Variants in CCND1 observed in about 807,000 individuals in gnomAD.
CCND1 encodes the protein cyclin D1.
A neutral mutation model predicts 26.1 loss-of-function variants in CCND1; 9 were observed. That is an observed-to-expected ratio of 0.35 (90% confidence interval 0.21 to 0.60). The LOEUF is 0.60. CCND1 is among the 20% of genes least tolerant of loss of function. The pLI is 0.79. For missense variants in CCND1, 335 were observed against 392.9 expected, an observed-to-expected ratio of 0.85 and a Z score of 1.25; for synonymous variants, 194 against 166.1, an observed-to-expected ratio of 1.17 and a Z score of -1.29.
rs2120120316 is a variant in CCND1 at position 69,651,195 on chromosome 11, C to T, written c.801C>T (p.Asp267=). The change falls in exon 5 of 5, where the codon GAC becomes GAT. Residue 267 remains aspartate (D), a synonymous_variant. Transcript: ENST00000227507. ...SSLRQAQQNM[D]PKAAEEEEEE... The stretch of plus-strand genomic sequence containing the variant: ...TGCGCCAGGCCCAGCAGAACATGGA[C>T]CCCAAGGCCGCCGAGGAGGAGGAAG... 6.2e-7 allele frequency: 1 copy of T among 1,609,048 alleles called. No homozygotes were observed.
In CCND1 at chr11:69,643,827, C is replaced by T. The variant is rs1240440953; in HGVS notation, c.415-5C>T. On this transcript the variant is annotated splice_region_variant and splice_polypyrimidine_tract_variant and intron_variant, in intron 2 of 4. Coordinates refer to ENST00000227507, the MANE Select transcript of CCND1 (RefSeq NM_053056.3). ...CCCTGATGGCCGCTCACCCTGTGTT[C>T]GCAGCAAATGGAGCTGCTCCTGGTG... 25 of 1,602,544 alleles carry T rather than the reference C, an allele frequency of 1.6e-5. No individual in the cohort carries two copies. The highest frequency in any genetic ancestry group is 2.0e-5 in the Non-Finnish European group (24 of 1,172,062).
intron 3 of CCND1, 162 bp from the exon 4 acceptor site, chr11:69,647,832 G>A (rs541020489): frequency 6.8e-6 from 5 of 735,646 alleles, no homozygotes; most frequent in Non-Finnish European, 1.1e-5. Flanking sequence ...CCCAGGGATG[G>A]CTGGAGGCTG....
chr11:69,650,823 T>C (rs568564216), intron 4 of CCND1, among the ~76,000 whole-genome samples: 9 of 152,146 alleles, frequency 5.9e-5, no homozygotes, highest in Admixed American at 2.0e-4. Flanking sequence ...GAAGGCGCTG[T>C]TGGACATGGG....
At position 69,644,137 on chromosome 11, in the gene CCND1, G is replaced by A. The variant is rs548186625; in HGVS notation, c.574+146G>A. The A allele has an allele frequency of 3.2e-3, 2,400 of 758,720 alleles. 66 individuals are homozygous for A. The South Asian group carries it at 0.035, about 11-fold the overall frequency. 47.0% of individuals were successfully genotyped at this position (758,720 alleles called of 1,614,324 possible). A position where few individuals can be genotyped will look rare whatever the true frequency, so the allele number is the denominator to read the frequency against. On this transcript the variant is annotated intron_variant, in intron 3 of 4. Coordinates refer to ENST00000227507, the MANE Select transcript of CCND1 (RefSeq NM_053056.3). ...CGCTGGAGAGCGCTCTTCCAGCTCT[G>A]GTGAGCAGAGGCCCTGGATTGTTTG...
chr11:69,645,983 C>A lies in CCND1; in HGVS notation c.574+1992C>A, dbSNP rs983829760. ...GTCACTTCCCTTTACAACCAGGCAG[C>A]GGATAGGGTCAAATCCTGGAGCTTT... is the stretch of plus-strand genomic sequence containing the variant. On this transcript the variant is annotated intron_variant, in intron 3 of 4. Transcript: ENST00000227507. Among the ~76,000 whole-genome samples, 4 of 152,136 alleles carry A rather than the reference C, an allele frequency of 2.6e-5. No homozygotes were observed. In the South Asian group the frequency reaches 8.3e-4, roughly 32 times the overall value.
chr11:69,644,140 G>A, intron 3 of CCND1, 149 bp downstream of exon 3: 1 of 755,096 alleles, frequency 1.3e-6, no homozygotes, highest in Non-Finnish European at 2.3e-6. Context: ...CAGCTCTGGT[G>A]AGCAGAGGCC....
chr11:69,643,706 A>G, intron 2 of CCND1, 126 bp from the exon 3 acceptor site: 1 of 838,858 alleles, frequency 1.2e-6, no homozygotes, highest in Non-Finnish European at 1.8e-6. Context: ...CCAGGACCGC[A>G]CGAGACGCAG....
Position 69,653,140 on chromosome 11 carries a change from C to T in CCND1, c.*1858C>T, listed in dbSNP as rs1413490858. The T allele has an allele frequency of 2.4e-5, 14 of 585,396 alleles. No homozygotes were observed. The highest frequency in any genetic ancestry group is 1.3e-4 in the African/African-American group (7 of 52,664). The allele number at this position is 585,396 out of a possible 1,614,324, so 36.3% of individuals were successfully genotyped here. On this transcript the variant is annotated 3_prime_UTR_variant, in exon 5 of 5. Coordinates refer to ENST00000227507, the MANE Select transcript of CCND1 (RefSeq NM_053056.3). ...GAGGTGGCAAGAGTGTGGAGGCTGA[C>T]GTGTGAGGGAGGACAGGCGGGAGGA...
intron 3 of CCND1, among the ~76,000 whole-genome samples, chr11:69,645,044 C>G (rs1855761700): frequency 6.6e-6 from 1 of 152,196 alleles, no homozygotes; most frequent in South Asian, 2.1e-4. Flanking sequence ...AGAATGGGTT[C>G]TGGTTTAGGC....
rs1021283352 is a variant in CCND1, at chr11:69,653,167, G to A, written c.*1885G>A. 23 of 637,078 alleles carry A rather than the reference G, an allele frequency of 3.6e-5. No homozygotes were observed. The highest frequency in any genetic ancestry group is 6.2e-5 in the Non-Finnish European group (22 of 354,772). 39.5% of individuals were successfully genotyped at this position (637,078 alleles called of 1,614,324 possible). The stretch of plus-strand genomic sequence containing the variant: ...TGTGAGGGAGGACAGGCGGGAGGAG[G>A]TGTGAGGAGGAGGCTCCCGAGGGGA... On this transcript the variant is annotated 3_prime_UTR_variant, in exon 5 of 5. Transcript: ENST00000227507.
chr11:69,648,430 G>C (rs1355439988), intron 4 of CCND1, among the ~76,000 whole-genome samples: 3 of 152,250 alleles, frequency 2.0e-5, no homozygotes, highest in Non-Finnish European at 4.4e-5. Flanking sequence ...GCCCCAGGCG[G>C]CCCCAGCCAA....
chr11:69,653,123 A>C lies in CCND1; in HGVS notation c.*1841A>C. ...TTAGGAAGTGTTGAAGGGAGGTGGC[A>C]AGAGTGTGGAGGCTGACGTGTGAGG... is the stretch of plus-strand genomic sequence containing the variant. On this transcript the variant is annotated 3_prime_UTR_variant, in exon 5 of 5. Transcript: ENST00000227507. The C allele has an allele frequency of 1.8e-6, 1 of 560,860 alleles. No individual in the cohort carries two copies. Among genetic ancestry groups the C allele is most frequent in the South Asian group, 2.3e-5 (1 of 43,186 alleles). 34.7% of individuals were successfully genotyped at this position (560,860 alleles called of 1,614,324 possible).
At chr11:69,649,763 T>C (rs568795637) in intron 4 of CCND1, among the ~76,000 whole-genome samples, 2 of 152,202 alleles carry the variant, frequency 1.3e-5, no homozygotes, top group South Asian at 4.2e-4. Context: ...GAGTGGGTCA[T>C]GGGCGAGGGA....
chr11:69,642,933 A>T, intron 1 of CCND1, 98 bp from the exon 2 acceptor site: 1 of 847,170 alleles, frequency 1.2e-6, no homozygotes, highest in Non-Finnish European at 1.7e-6. Flanking sequence ...GGCGCCCTCC[A>T]GACCTGGCGG....
At position 69,654,087 on chromosome 11, in the gene CCND1, C is replaced by T; in HGVS notation, c.*2805C>T. The T allele has an allele frequency of 1.6e-6, 1 of 639,710 alleles. No individual in the cohort carries two copies. Among genetic ancestry groups the T allele is most frequent in the South Asian group, 1.8e-5 (1 of 56,262 alleles). 39.6% of individuals were successfully genotyped at this position (639,710 alleles called of 1,614,324 possible). Reference sequence around the variant, plus strand: ...TGGGGCCCTGCCCTGGCAGGGTCATCCTGTGCTCGGAGGCCATCTCGGGCA... The same window carrying T: ...TGGGGCCCTGCCCTGGCAGGGTCATTCTGTGCTCGGAGGCCATCTCGGGCA... On this transcript the variant is annotated 3_prime_UTR_variant, in exon 5 of 5. Transcript: ENST00000227507. The surrounding 1 kb of genome is among the most constrained non-coding windows in gnomAD (Gnocchi z 6.3).
In CCND1 at chr11:69,643,885, C is replaced by T. The variant is rs1158254639; in HGVS notation, c.468C>T (p.Thr156=). The part of the protein sequence containing the change: ...NKLKWNLAAM[T]PHDFIEHFLS... ...TCAAGTGGAACCTGGCCGCAATGAC[C>T]CCGCACGATTTCATTGAACACTTCC... is the stretch of plus-strand genomic sequence containing the variant. The change falls in exon 3 of 5, where the codon ACC becomes ACT. Residue 156 remains threonine, a synonymous_variant. Transcript: ENST00000227507. 1 of 1,613,620 alleles carries T rather than the reference C, an allele frequency of 6.2e-7. No homozygotes were observed.
intron 2 of CCND1, 76 bp downstream of exon 2, chr11:69,643,322 G>A: frequency 3.3e-6 from 4 of 1,229,846 alleles, no homozygotes; most frequent in Non-Finnish European, 3.4e-6. Flanking sequence ...AGGTGCAGGC[G>A]GTGGCGGCCG....
chr11:69,647,316 A>G (rs546223937), intron 3 of CCND1, among the ~76,000 whole-genome samples: 1 of 151,880 alleles, frequency 6.6e-6, no homozygotes, highest in Non-Finnish European at 1.5e-5. Context: ...GGTAAGGGGC[A>G]TGGGTTGCTG....
rs750540049 is a variant in CCND1 at position 69,643,004 on chromosome 11, G to A, written c.199-27G>A. On this transcript the variant is annotated intron_variant, in intron 1 of 4. Coordinates refer to ENST00000227507, the MANE Select transcript of CCND1 (RefSeq NM_053056.3). ...GGGGGGGCGGCGCGACCTGGCGGCG[G>A]CGGTCACGGGCCCCGTGCCTCCGTA... 6.2e-5 allele frequency: 93 copies of A among 1,498,114 alleles called. 1 individual carries two copies. Among genetic ancestry groups the A allele is most frequent in the Non-Finnish European group, 6.3e-5 (70 of 1,119,906 alleles). The allele number at this position is 1,498,114 out of a possible 1,614,324, so 92.8% of individuals were successfully genotyped here. A position where few individuals can be genotyped will look rare whatever the true frequency, so the allele number is the denominator to read the frequency against.
Sources: gnomAD v4.1 joint callset for allele counts (sites outside exome capture counted in the v4.1 genomes callset) on GRCh38, gnomAD v4.1.1 for gene constraint, Gnocchi (gnomAD v3.1) non-coding constraint, MANE v1.5 for transcripts, NCBI Gene and HGNC (gene_info 2026-07-23, HGNC 2026-07-21) for gene names.